The following RPTOR variants were observed in gnomAD, a reference collection of about 807,000 sequenced individuals.
RPTOR encodes regulatory-associated protein of mTOR.
A neutral mutation model predicts 169.9 loss-of-function variants in RPTOR; 21 were observed. That is an observed-to-expected ratio of 0.12 (90% confidence interval 0.09 to 0.18). RPTOR has a LOEUF of 0.18. Ranked by LOEUF, RPTOR falls within the 10% of genes least tolerant of loss-of-function variation. RPTOR has a pLI of 1.00. For missense variants in RPTOR, 1,133 were observed against 1,855.9 expected (o/e 0.61, Z 7.16); for synonymous variants, 732 against 753.2 (o/e 0.97, Z 0.46).
chr17:80,571,252 A>G (rs1339317437), intron 1 of RPTOR, among the ~76,000 whole-genome samples: 1 of 152,094 alleles, frequency 6.6e-6, no homozygotes, highest in Non-Finnish European at 1.5e-5. Flanking sequence ...AAATGGTCTA[A>G]TTGTTCTTTT....
At chr17:80,773,810 T>C in intron 6 of RPTOR, 1 of 985,412 alleles carries the variant, frequency 1.0e-6, no homozygotes, top group Non-Finnish European at 1.2e-6. Flanking sequence ...AACTGTTCTT[T>C]CTGGAAGAGG....
At chr17:80,555,052 C>T (rs1390238689) in intron 1 of RPTOR, among the ~76,000 whole-genome samples, 2 of 152,126 alleles carry the variant, frequency 1.3e-5, no homozygotes, top group African/African-American at 4.8e-5. Context: ...TGAGGGTCTT[C>T]AGGAACCTTT....
intron 13 of RPTOR, among the ~76,000 whole-genome samples, chr17:80,865,335 C>T (rs999798847): frequency 6.6e-6 from 1 of 152,120 alleles, no homozygotes; most frequent in Non-Finnish European, 1.5e-5. Context: ...GGAGACTGAA[C>T]GCCACAATGA....
rs376419959 is a variant in RPTOR at position 80,961,457 on chromosome 17, C to T, written c.3669C>T (p.Pro1223=). ...WVVKASLQKR[P]DGHIVSVSVN... ...TGAAGGCCTCCCTGCAGAAGCGTCC[C>T]GACGGCCACATCGTGAGTGTGAGGT... The change falls in exon 31 of 34, where the codon CCC becomes CCT. Residue 1223 remains proline (P), a synonymous_variant. Coordinates refer to ENST00000306801, the MANE Select transcript of RPTOR (RefSeq NM_020761.3). The T allele has an allele frequency of 2.3e-4, 364 of 1,551,028 alleles. No individual in the cohort carries two copies. The highest frequency in any genetic ancestry group is 2.9e-4 in the Non-Finnish European group (328 of 1,147,588).
At chr17:80,925,670 G>A (rs969263481) in intron 24 of RPTOR, among the ~76,000 whole-genome samples, 190 bp downstream of exon 24, 1 of 152,234 alleles carries the variant, frequency 6.6e-6, no homozygotes, top group African/African-American at 2.4e-5. Flanking sequence ...CAAACGAAAA[G>A]AGAAAACCTG....
intron 28 of RPTOR, among the ~76,000 whole-genome samples, chr17:80,955,677 G>C (rs375080094): frequency 6.6e-6 from 1 of 152,048 alleles, no homozygotes; most frequent in Admixed American, 6.6e-5. Flanking sequence ...ACTGTCTGTC[G>C]TGAAAAAAAA....
chr17:80,737,630 T>C (rs1296481943), intron 5 of RPTOR, among the ~76,000 whole-genome samples: 3 of 152,202 alleles, frequency 2.0e-5, no homozygotes, highest in African/African-American at 7.2e-5. Flanking sequence ...AGTTCCTCTT[T>C]TTTAACAAAA....
chr17:80,756,848 C>CA (rs1014993569), intron 6 of RPTOR, among the ~76,000 whole-genome samples: 2 of 151,604 alleles, frequency 1.3e-5, no homozygotes, highest in African/African-American at 2.4e-5. Flanking sequence ...TTAAAGAATA[C>CA]AAAAAAAATT....
chr17:80,885,488 C>T (rs1306075744), intron 17 of RPTOR, among the ~76,000 whole-genome samples: 1 of 152,192 alleles, frequency 6.6e-6, no homozygotes, highest in African/African-American at 2.4e-5. Context: ...GCTGGGTCCC[C>T]CCCAACACCC....
Position 80,754,308 on chromosome 17 carries a change from C to T in RPTOR, c.830+123C>T, listed in dbSNP as rs1039449839. On this transcript the variant is annotated intron_variant, in intron 6 of 33. Transcript: ENST00000306801. The surrounding 1 kb of genome is among the most constrained non-coding windows in gnomAD (Gnocchi z 4.2). ...AGCCCACGTGACAGACATGAGTGTC[C>T]CCGCCTTCTTTTTGTGTCATTCGGG... The T allele has an allele frequency of 1.0e-6, 1 of 954,528 alleles. No individual in the cohort carries two copies. Among genetic ancestry groups the T allele is most frequent in the Non-Finnish European group, 1.6e-6 (1 of 644,150 alleles). The allele number at this position is 954,528 out of a possible 1,614,324, so 59.1% of individuals were successfully genotyped here. A position where few individuals can be genotyped will look rare whatever the true frequency, so the allele number is the denominator to read the frequency against.
At position 80,564,608 on chromosome 17, in the gene RPTOR, CTT is replaced by C. The variant is rs11326960; in HGVS notation, c.162+18829_162+18830del. ...AGGTATTAAGCCTAGTACCCAACAG[CTT>C]TTTTTTTTTTTCCGGATGTGCAGGT... On this transcript the variant is annotated intron_variant, in intron 1 of 33. Transcript: ENST00000306801. 7.6e-4 allele frequency among the ~76,000 whole-genome samples: 113 copies of C among 147,754 alleles called. 2 individuals are homozygous for C. Among genetic ancestry groups the C allele is most frequent in the Middle Eastern group, 3.5e-3 (1 of 286 alleles).
chr17:80,613,382 T>G (rs1170216001), intron 1 of RPTOR, among the ~76,000 whole-genome samples: 1 of 152,236 alleles, frequency 6.6e-6, no homozygotes, highest in African/African-American at 2.4e-5. Flanking sequence ...GCACATCTTG[T>G]TCATCAGGGC....
At chr17:80,840,821 CGCAGCTCACACTCACCGCACG>C (rs2067634121) in intron 10 of RPTOR, among the ~76,000 whole-genome samples, 1 of 91,890 alleles carries the variant, frequency 1.1e-5, no homozygotes, top group Non-Finnish European at 2.1e-5. Flanking sequence ...CTCACCACGC[CGCAGCTCACACTCACCGCACG>C]GCAGCTCACA....
chr17:80,782,006 C>G (rs2066946531), intron 6 of RPTOR, among the ~76,000 whole-genome samples: 1 of 152,242 alleles, frequency 6.6e-6, no homozygotes, highest in Non-Finnish European at 1.5e-5. Context: ...GGTTTTGTCC[C>G]TGTCACGGGG....
chr17:80,962,311 TG>T, intron 31 of RPTOR, 149 bp from the exon 32 acceptor site: 1 of 666,298 alleles, frequency 1.5e-6, no homozygotes, highest in Non-Finnish European at 2.6e-6. Context: ...CAGCCCTCAC[TG>T]GGGACGCTGA....
chr17:80,632,290 C>T (rs2065448025), intron 2 of RPTOR, among the ~76,000 whole-genome samples: 1 of 152,328 alleles, frequency 6.6e-6, no homozygotes, highest in South Asian at 2.1e-4. Context: ...TTAGGCTTTT[C>T]GAACAAGCCT....
chr17:80,964,194 C>A, intron 33 of RPTOR, 68 bp from the exon 34 acceptor site: 1 of 1,106,354 alleles, frequency 9.0e-7, no homozygotes, highest in Non-Finnish European at 1.3e-6. Flanking sequence ...GGTTGGCCTG[C>A]GCCCCCCCGC....
rs544927521 is a variant in RPTOR, at chr17:80,833,104, C to G, written c.1137-4818C>G. Among the ~76,000 whole-genome samples, 3 of 32,612 alleles carry G rather than the reference C, an allele frequency of 9.2e-5. No individual in the cohort carries two copies. In the East Asian group the frequency reaches 1.3e-3, roughly 15 times the overall value. 21.4% of individuals were successfully genotyped at this position (32,612 alleles called of 152,430 possible). A position where few individuals can be genotyped will look rare whatever the true frequency, so the allele number is the denominator to read the frequency against. ...GCGGTAATAACCCGTGCTTTCCGTT[C>G]CCGGGGCGGGCGCGCTCTGACTGAT... On this transcript the variant is annotated intron_variant, in intron 9 of 33. Transcript: ENST00000306801.
At chr17:80,892,425 T>G (rs1260886327) in intron 18 of RPTOR, among the ~76,000 whole-genome samples, 1 of 152,230 alleles carries the variant, frequency 6.6e-6, no homozygotes, top group Non-Finnish European at 1.5e-5. Context: ...GGAGCACGGC[T>G]CACGGCCCAC....
Sources: allele counts gnomAD v4.1 joint callset (sites outside exome capture counted in the v4.1 genomes callset), GRCh38; gene constraint gnomAD v4.1.1; non-coding constraint Gnocchi (gnomAD v3.1); transcripts MANE v1.5; gene names NCBI Gene and HGNC (gene_info 2026-07-23, HGNC 2026-07-21).